Variants in ROBO1 observed in about 807,000 individuals in gnomAD.
The protein encoded by ROBO1 is roundabout guidance receptor 1.
ROBO1 carries 149 observed loss-of-function variants against 195.9 expected under a neutral mutation model. The ratio of observed to expected loss-of-function variants is 0.76; its 90% CI spans 0.67 to 0.87. The LOEUF (loss-of-function observed/expected upper bound fraction) is 0.87. Among genes scored for constraint, ROBO1 ranks in the 40% least tolerant of loss-of-function variants. The pLI is 0.00. For missense variants in ROBO1, 1,933 were observed against 2,068.3 expected (o/e 0.93, Z 1.27); for synonymous variants, 816 against 733.2 (o/e 1.11, Z -1.82).
intron 2 of ROBO1, among the ~76,000 whole-genome samples, chr3:79,569,673 GTATA>G (rs35772632): frequency 4.7e-5 from 4 of 85,756 alleles, no homozygotes; most frequent in East Asian, 4.8e-4. Context: ...GTGTGTGTGT[GTATA>G]TATGTGTGTG....
intron 2 of ROBO1, among the ~76,000 whole-genome samples, chr3:79,523,480 T>C (rs1227361331): frequency 2.7e-5 from 4 of 148,490 alleles, no homozygotes; most frequent in South Asian, 2.1e-4. Flanking sequence ...TTCTTTTTTT[T>C]TTTTTTTTTG....
chr3:79,129,177 T>C (rs2080275434), intron 2 of ROBO1, among the ~76,000 whole-genome samples: 1 of 152,194 alleles, frequency 6.6e-6, no homozygotes, highest in African/African-American at 2.4e-5. Context: ...AACCTACTTC[T>C]TTCCTATAGT....
chr3:78,752,531 T>A (rs2082823367), intron 4 of ROBO1, among the ~76,000 whole-genome samples: 5 of 152,168 alleles, frequency 3.3e-5, no homozygotes, highest in Admixed American at 6.6e-5. Context: ...TCAGTCTTAC[T>A]TTTTAGCTGA....
intron 3 of ROBO1, among the ~76,000 whole-genome samples, chr3:78,984,738 A>C (rs2077067909): frequency 6.6e-6 from 1 of 151,962 alleles, no homozygotes; most frequent in South Asian, 2.1e-4. Flanking sequence ...CAACTACAAC[A>C]AACTTGTTCC....
chr3:78,634,881 C>T (rs534755463), intron 23 of ROBO1, among the ~76,000 whole-genome samples: 1 of 152,216 alleles, frequency 6.6e-6, no homozygotes, highest in South Asian at 2.1e-4. Flanking sequence ...TTGTCATCTT[C>T]AACTGTGATA....
At chr3:79,434,980 G>A (rs1305309219) in intron 2 of ROBO1, among the ~76,000 whole-genome samples, 5 of 151,958 alleles carry the variant, frequency 3.3e-5, no homozygotes, top group South Asian at 2.1e-4. Context: ...ACCAAACACC[G>A]CATGTTCTCA....
intron 4 of ROBO1, among the ~76,000 whole-genome samples, chr3:78,850,452 G>C (rs1350776328): frequency 6.6e-6 from 1 of 152,020 alleles, no homozygotes; most frequent in Non-Finnish European, 1.5e-5. Flanking sequence ...GAAAATAATG[G>C]TTATAAACAA....
intron 4 of ROBO1, among the ~76,000 whole-genome samples, chr3:78,821,236 T>A (rs570957731): frequency 6.7e-6 from 1 of 149,712 alleles, no homozygotes; most frequent in African/African-American, 2.5e-5. Context: ...TGCGATCTCG[T>A]CTCACTGCAG....
In ROBO1 at chr3:79,024,069, G is replaced by T. The variant is rs112534871; in HGVS notation, c.173-85142C>A. Among the ~76,000 whole-genome samples, 13 of 152,132 alleles carry T rather than the reference G, an allele frequency of 8.5e-5. 1 individual carries two copies. Among genetic ancestry groups the T allele is most frequent in the African/African-American group, 3.1e-4 (13 of 41,490 alleles). ...ACTGTAAAGGACCATCATCCCAATG[G>T]TCCCACCAGATGATGTACTCCAGCC... is the stretch of plus-strand genomic sequence containing the variant. On this transcript the variant is annotated intron_variant, in intron 3 of 30. Transcript: ENST00000464233.
intron 3 of ROBO1, among the ~76,000 whole-genome samples, chr3:78,955,658 T>C (rs557437132): frequency 5.3e-5 from 8 of 152,314 alleles, no homozygotes; most frequent in African/African-American, 1.9e-4. Context: ...TTCAACTTTT[T>C]GCATTAGGCA....
chr3:79,614,900 A>T lies in ROBO1; in HGVS notation c.-50-24939T>A, dbSNP rs530805417. Among the ~76,000 whole-genome samples the T allele has an allele frequency of 1.3e-4, 20 of 152,218 alleles. No homozygotes were observed. In the South Asian group the frequency reaches 3.5e-3, roughly 27 times the overall value. ...AATCCCAATTATAATCATGGACATT[A>T]AAAAATAGAAATAAAGAGTCTTATG... On this transcript the variant is annotated intron_variant, in intron 1 of 30. Coordinates refer to ENST00000464233, the MANE Select transcript of ROBO1 (RefSeq NM_002941.4).
rs138235379 is a variant in ROBO1 at position 78,828,888 on chromosome 3, G to A, written c.500-81988C>T. 2.9e-3 allele frequency among the ~76,000 whole-genome samples: 439 copies of A among 152,152 alleles called. 3 individuals carry two copies. Among genetic ancestry groups the A allele is most frequent in the African/African-American group, 9.9e-3 (412 of 41,510 alleles). On this transcript the variant is annotated intron_variant, in intron 4 of 30. Coordinates refer to ENST00000464233, the MANE Select transcript of ROBO1 (RefSeq NM_002941.4). ...ATATAAATATTACCTAATATAAATC[G>A]TGCAACCTGGCAGTTTACCAACTAG...
In ROBO1 at chr3:78,685,180, G is replaced by GT. The variant is rs536560917; in HGVS notation, c.1342+565dup. On this transcript the variant is annotated intron_variant, in intron 10 of 30. Transcript: ENST00000464233. ...CAGAGAATAAAACATATTTATATGTGTTTTTTTCTTTTTCTTTCATCTTCT... is the reference window on the plus strand; with the variant it reads ...CAGAGAATAAAACATATTTATATGTGTTTTTTTTCTTTTTCTTTCATCTTCT... Among the ~76,000 whole-genome samples, 591 of 151,998 alleles carry GT rather than the reference G, an allele frequency of 3.9e-3. 2 individuals carry two copies. The highest frequency in any genetic ancestry group is 0.013 in the African/African-American group (554 of 41,488).
Position 79,366,081 on chromosome 3 carries a change from C to G in ROBO1, c.88+223743G>C, listed in dbSNP as rs149438449. Among the ~76,000 whole-genome samples the G allele has an allele frequency of 6.2e-3, 947 of 152,066 alleles. 9 individuals are homozygous for G. The highest frequency in any genetic ancestry group is 0.021 in the African/African-American group (882 of 41,492). On this transcript the variant is annotated intron_variant, in intron 2 of 30. Transcript: ENST00000464233. ...ATGCTGACTCCAGAGTCAGGCAGAC[C>G]TGGAGTTCTTTACTAGTCTTAGTAT...
Position 78,600,181 on chromosome 3 carries a change from T to C in ROBO1, c.4873A>G (p.Arg1625Gly), listed in dbSNP as rs753403387. 7 of 1,613,452 alleles carry C rather than the reference T, an allele frequency of 4.3e-6. No homozygotes were observed. The Admixed American group carries it at 1.2e-4, about 27-fold the overall frequency. ...AGTACCTGCATTTCTGCAATATTTCTTCGACCTACATTTGCTTGTTCTCTT... is the reference window on the plus strand; with the variant it reads ...AGTACCTGCATTTCTGCAATATTTCCTCGACCTACATTTGCTTGTTCTCTT... ...RQREQANVGR[R>G]NIAEMQVLGG... The change falls in exon 30 of 31, where the codon AGA becomes GGA. Residue 1625 changes from arginine to glycine, a missense_variant. By Grantham distance (125) the Arg-to-Gly change is moderately radical (BLOSUM62 -2). Transcript: ENST00000464233.
chr3:79,212,109 AC>A (rs1353307994), intron 2 of ROBO1, among the ~76,000 whole-genome samples: 1 of 152,206 alleles, frequency 6.6e-6, no homozygotes, highest in African/African-American at 2.4e-5. Context: ...TGGTTTAAGA[AC>A]GCCTTTAAGC....
intron 1 of ROBO1, among the ~76,000 whole-genome samples, chr3:79,667,768 C>T (rs895685029): frequency 1.3e-5 from 2 of 151,554 alleles, no homozygotes; most frequent in Non-Finnish European, 3.0e-5. Flanking sequence ...AATATCACTA[C>T]CTTCATTTGT....
intron 2 of ROBO1, among the ~76,000 whole-genome samples, chr3:79,317,856 TAC>T (rs568410472): frequency 8.6e-5 from 13 of 151,252 alleles, no homozygotes; most frequent in African/African-American, 1.9e-4. Context: ...ATCTGTGTTA[TAC>T]ACACACACAC....
Position 78,725,577 on chromosome 3 carries a change from G to T in ROBO1, c.658-7694C>A, listed in dbSNP as rs552676200. Among the ~76,000 whole-genome samples, 12 of 152,114 alleles carry T rather than the reference G, an allele frequency of 7.9e-5. No homozygotes were observed. The East Asian group carries it at 1.5e-3, about 20-fold the overall frequency. On this transcript the variant is annotated intron_variant, in intron 5 of 30. Transcript: ENST00000464233. ...ACTGAATAATTATAGAGAATAATCA[G>T]GTTTAAGATGTAGCTTTTCTACCAA...
Sources: gnomAD v4.1 joint callset for allele counts (sites outside exome capture counted in the v4.1 genomes callset) on GRCh38, gnomAD v4.1.1 for gene constraint, MANE v1.5 for transcripts, NCBI Gene and HGNC (gene_info 2026-07-23, HGNC 2026-07-21) for gene names.